The following CEMIP2 variants were observed in gnomAD, a reference collection of about 807,000 sequenced individuals.
CEMIP2 encodes cell migration inducing hyaluronidase 2.
Under a neutral mutation model 146.9 loss-of-function variants are expected in CEMIP2, and 79 were observed. That is an observed-to-expected ratio of 0.54 (90% confidence interval 0.45 to 0.65). The LOEUF (loss-of-function observed/expected upper bound fraction) is 0.65. Among genes scored for constraint, CEMIP2 ranks in the 30% least tolerant of loss-of-function variants. CEMIP2 has a pLI of 0.00. For missense variants in CEMIP2, 1,596 were observed against 1,696.2 expected (o/e 0.94, Z 1.04); for synonymous variants, 601 against 606.3 (o/e 0.99, Z 0.13).
At chr9:71,696,948 T>G (rs1427976916) in intron 20 of CEMIP2, among the ~76,000 whole-genome samples, 1 of 152,118 alleles carries the variant, frequency 6.6e-6, no homozygotes, top group Non-Finnish European at 1.5e-5. Context: ...TTAAATCACT[T>G]AGAATAGGAA....
intron 12 of CEMIP2, among the ~76,000 whole-genome samples, chr9:71,719,422 C>A (rs1355459410): frequency 1.3e-5 from 2 of 152,142 alleles, no homozygotes; most frequent in Non-Finnish European, 2.9e-5. Context: ...AGGTAAAGAT[C>A]TGGGTCTCCA....
At chr9:71,693,984 C>T (rs1446909310) in intron 21 of CEMIP2, among the ~76,000 whole-genome samples, 6 of 152,284 alleles carry the variant, frequency 3.9e-5, no homozygotes, top group South Asian at 2.1e-4. Context: ...CCTGTGAGGA[C>T]GCAGTAAGAA....
intron 21 of CEMIP2, among the ~76,000 whole-genome samples, chr9:71,693,925 T>C (rs1822306712): frequency 6.6e-6 from 1 of 152,124 alleles, no homozygotes; most frequent in Non-Finnish European, 1.5e-5. Context: ...ATGAATGGGA[T>C]CAGTGCTGTT....
intron 10 of CEMIP2, among the ~76,000 whole-genome samples, chr9:71,728,815 T>TTGTG (rs33987875): frequency 0.56 from 82,372 of 148,056 alleles, 25,992 homozygotes; most frequent in Non-Finnish European, 0.71. Context: ...TGTGGGGTTT[T>TTGTG]TGTGTGTGTG....
intron 2 of CEMIP2, 44 bp downstream of exon 2, chr9:71,749,999 T>C: frequency 6.6e-7 from 1 of 1,508,538 alleles, no homozygotes; most frequent in Non-Finnish European, 8.9e-7. Context: ...TTCCTCCTCT[T>C]TTGTCTTCTA....
At chr9:71,728,433 G>A (rs1429312173) in intron 10 of CEMIP2, among the ~76,000 whole-genome samples, 1 of 147,386 alleles carries the variant, frequency 6.8e-6, no homozygotes, top group Admixed American at 6.8e-5. Context: ...AGTAAGCCAA[G>A]GTCACACCAC....
rs36080695 is a variant in CEMIP2, at chr9:71,685,395, TAAAAA to T, written c.3956-7_3956-3del. On this transcript the variant is annotated splice_region_variant and splice_polypyrimidine_tract_variant and intron_variant, in intron 23 of 23. Coordinates refer to ENST00000377044, the MANE Select transcript of CEMIP2 (RefSeq NM_013390.3). ...TGAATCCCAAAAATATGGTACTCCC[TAAAAA>T]AAAAAAAAAAAAAGAAAAAGAAAAA... 1.5e-5 allele frequency: 18 copies of T among 1,178,838 alleles called. No individual in the cohort carries two copies. The highest frequency in any genetic ancestry group is 8.6e-5 in the South Asian group (3 of 34,746). The allele number at this position is 1,178,838 out of a possible 1,614,324, so 73.0% of individuals were successfully genotyped here. A position where few individuals can be genotyped will look rare whatever the true frequency, so the allele number is the denominator to read the frequency against.
chr9:71,762,394 T>A (rs766674631), intron 1 of CEMIP2, among the ~76,000 whole-genome samples: 3 of 150,862 alleles, frequency 2.0e-5, no homozygotes, highest in Non-Finnish European at 4.4e-5. Context: ...GCCGAGGCAG[T>A]TGGATGGCTT....
rs1367746272 is a variant in CEMIP2, at chr9:71,730,401, AT to A, written c.1774-149del. ...TGGGCAAAGTGAAATGTCAGGCTTA[AT>A]TTATCTCTGAAGGGGATAATCTGCT... is the stretch of plus-strand genomic sequence containing the variant. On this transcript the variant is annotated intron_variant, in intron 8 of 23. Coordinates refer to ENST00000377044, the MANE Select transcript of CEMIP2 (RefSeq NM_013390.3). 2.7e-5 allele frequency: 21 copies of A among 792,202 alleles called. No individual in the cohort carries two copies. The African/African-American group carries it at 3.5e-4, about 13-fold the overall frequency. The allele number at this position is 792,202 out of a possible 1,614,324, so 49.1% of individuals were successfully genotyped here. A position where few individuals can be genotyped will look rare whatever the true frequency, so the allele number is the denominator to read the frequency against.
chr9:71,699,433 A>T (rs1208648460), intron 19 of CEMIP2: 1 of 446,582 alleles, frequency 2.2e-6, no homozygotes, highest in Non-Finnish European at 4.5e-6. Context: ...CCTGGGCAAC[A>T]TAGGGATACA....
At chr9:71,765,156 C>T (rs1057467965) in intron 1 of CEMIP2, among the ~76,000 whole-genome samples, 2 of 152,054 alleles carry the variant, frequency 1.3e-5, no homozygotes, top group African/African-American at 4.8e-5. Context: ...GAGAGCAATA[C>T]CATATGACAG....
upstream of CEMIP2, among the ~76,000 whole-genome samples, chr9:71,769,165 G>A (rs1338050412): frequency 1.3e-5 from 2 of 152,146 alleles, no homozygotes; most frequent in African/African-American, 4.8e-5. Flanking sequence ...TGGCCGAACC[G>A]GAGCCTGTGC....
At chr9:71,718,120 A>G in intron 12 of CEMIP2, 41 bp from the exon 13 acceptor site, 1 of 1,558,210 alleles carries the variant, frequency 6.4e-7, no homozygotes, top group Non-Finnish European at 8.7e-7. Context: ...ATAACATAAA[A>G]GCCATAGGAA....
chr9:71,759,137 G>C lies in CEMIP2; in HGVS notation c.-12-8752C>G, dbSNP rs115476022. Among the ~76,000 whole-genome samples the C allele has an allele frequency of 3.0e-3, 459 of 152,274 alleles. 3 individuals carry two copies. Among genetic ancestry groups the C allele is most frequent in the African/African-American group, 0.011 (445 of 41,556 alleles). On this transcript the variant is annotated intron_variant, in intron 1 of 23. Coordinates refer to ENST00000377044, the MANE Select transcript of CEMIP2 (RefSeq NM_013390.3). ...CTCTGCCTATGAAGGGAAAGGACAA[G>C]GGACTGAGAACCCCTAATTGTTTAT...
At chr9:71,747,239 T>C (rs1190832388) in intron 2 of CEMIP2, among the ~76,000 whole-genome samples, 1 of 152,262 alleles carries the variant, frequency 6.6e-6, no homozygotes, top group Non-Finnish European at 1.5e-5. Context: ...TTATCCACTC[T>C]GTACCAGATA....
chr9:71,722,595 T>C, intron 11 of CEMIP2, 80 bp from the exon 12 acceptor site: 1 of 1,166,474 alleles, frequency 8.6e-7, no homozygotes, highest in African/African-American at 1.6e-5. Context: ...TGAAAATAGA[T>C]TTTAGCTTAT....
At chr9:71,745,652 T>A in intron 3 of CEMIP2, 73 bp from the exon 4 acceptor site, 3 of 1,403,656 alleles carry the variant, frequency 2.1e-6, no homozygotes, top group Non-Finnish European at 1.9e-6. Flanking sequence ...GATTTCACCT[T>A]AAGTTAAATA....
chr9:71,696,827 A>G (rs1257014207), intron 20 of CEMIP2, among the ~76,000 whole-genome samples: 1 of 152,098 alleles, frequency 6.6e-6, no homozygotes, highest in African/African-American at 2.4e-5. Context: ...TCTAGTGGGA[A>G]ACATAAATCC....
intron 1 of CEMIP2, among the ~76,000 whole-genome samples, chr9:71,758,578 G>T (rs1302662012): frequency 6.6e-6 from 1 of 152,112 alleles, no homozygotes; most frequent in Non-Finnish European, 1.5e-5. Context: ...TAGATGAACC[G>T]AACCTCACAG....
Sources: gnomAD v4.1 joint callset for allele counts (sites outside exome capture counted in the v4.1 genomes callset) on GRCh38, gnomAD v4.1.1 for gene constraint, MANE v1.5 for transcripts, NCBI Gene and HGNC (gene_info 2026-07-23, HGNC 2026-07-21) for gene names.